The following TMC3 variants were observed in gnomAD, a reference collection of about 807,000 sequenced individuals.
The protein encoded by TMC3 is transmembrane channel like 3, also known as transmembrane channel-like protein 3.
In TMC3, 98 loss-of-function variants were observed where a neutral mutation model predicts 110.6. The observed-to-expected ratio is 0.89, with a 90% CI of 0.75 to 1.05. The LOEUF is 1.05. TMC3 is among the 50% of genes least tolerant of loss of function. The pLI is 0.00. For missense variants in TMC3, 1,319 were observed against 1,373.2 expected (o/e 0.96, Z 0.62); for synonymous variants, 489 against 513.1 (o/e 0.95, Z 0.63).
At position 81,333,308 on chromosome 15, in the gene TMC3, G is replaced by C. The variant is rs781022021; in HGVS notation, c.2460-46C>G. Reference sequence around the variant, plus strand: ...AGTAGCTGTGGCCTTGGTGGTCTCAGAGCCCCACACCTGAGGACTGTGAGC... The same window carrying C: ...AGTAGCTGTGGCCTTGGTGGTCTCACAGCCCCACACCTGAGGACTGTGAGC... On this transcript the variant is annotated intron_variant, in intron 21 of 21. Coordinates refer to ENST00000359440, the MANE Select transcript of TMC3 (RefSeq NM_001080532.3). The C allele has an allele frequency of 1.9e-6, 3 of 1,563,586 alleles. No homozygotes were observed. In the East Asian group the frequency reaches 6.7e-5, roughly 35 times the overall value.
chr15:81,340,403 TATATC>T (rs1318608387), intron 16 of TMC3, among the ~76,000 whole-genome samples: 1 of 152,228 alleles, frequency 6.6e-6, no homozygotes, highest in Non-Finnish European at 1.5e-5. Context: ...CATATATAAA[TATATC>T]AAAACATATC....
In TMC3 at chr15:81,351,688, G is replaced by A. The variant is rs568807468; in HGVS notation, c.1083+6C>T. 6.4e-7 allele frequency: 1 copy of A among 1,552,556 alleles called. No individual in the cohort carries two copies. Among genetic ancestry groups the A allele is most frequent in the South Asian group, 1.2e-5 (1 of 84,064 alleles). Reference sequence around the variant, plus strand: ...CTAGGGTGCTGCAGGTAATGGCAGTGGGTACCTCATTCTTTTCCCAAAGTG... The same window carrying A: ...CTAGGGTGCTGCAGGTAATGGCAGTAGGTACCTCATTCTTTTCCCAAAGTG... On this transcript the variant is annotated splice_donor_region_variant and intron_variant, in intron 10 of 21. Coordinates refer to ENST00000359440, the MANE Select transcript of TMC3 (RefSeq NM_001080532.3).
chr15:81,339,595 G>A, intron 16 of TMC3, 91 bp from the exon 17 acceptor site: 2 of 978,216 alleles, frequency 2.0e-6, no homozygotes, highest in Non-Finnish European at 1.6e-6. Flanking sequence ...AGAAACGGTT[G>A]CCCTGACTCT....
At position 81,332,772 on chromosome 15, in the gene TMC3, C is replaced by G; in HGVS notation, c.2950G>C (p.Asp984His). 6.2e-7 allele frequency: 1 copy of G among 1,611,876 alleles called. No individual in the cohort carries two copies. The change falls in exon 22 of 22, where the codon GAT (aspartate) becomes CAT (histidine). Residue 984 changes from aspartate (D) to histidine (H), a missense_variant. Coordinates refer to ENST00000359440, the MANE Select transcript of TMC3 (RefSeq NM_001080532.3). ...IGERSESQTRDPEHQGRVHYK... is the reference protein window; with the variant it reads ...IGERSESQTRHPEHQGRVHYK... ...TGCACCCTCCCCTGGTGCTCGGGAT[C>G]CCGGGTCTGACTTTCGGACCTCTCC... is the stretch of plus-strand genomic sequence containing the variant.
intron 3 of TMC3, among the ~76,000 whole-genome samples, chr15:81,366,588 C>G (rs1461293497): frequency 6.6e-6 from 1 of 152,112 alleles, no homozygotes; most frequent in East Asian, 1.9e-4. Context: ...AGGTGAAATA[C>G]TTTACTTCCT....
At chr15:81,342,479 T>A (rs796214734) in intron 15 of TMC3, among the ~76,000 whole-genome samples, 21 of 152,334 alleles carry the variant, frequency 1.4e-4, no homozygotes, top group African/African-American at 4.8e-4. Flanking sequence ...GGTAGAAAAG[T>A]ACTTGATATC....
chr15:81,337,458 G>A (rs1301614234), intron 19 of TMC3, among the ~76,000 whole-genome samples: 3 of 152,114 alleles, frequency 2.0e-5, no homozygotes, highest in African/African-American at 7.2e-5. Context: ...GACAAACAGT[G>A]CTGCTGGGCT....
intron 9 of TMC3, among the ~76,000 whole-genome samples, chr15:81,352,178 G>T (rs1893966289): frequency 6.6e-6 from 1 of 152,178 alleles, no homozygotes. Context: ...GCACATTAAA[G>T]ATATAGGAAT....
chr15:81,337,086 T>G (rs1215468602), intron 19 of TMC3, among the ~76,000 whole-genome samples: 1 of 151,664 alleles, frequency 6.6e-6, no homozygotes, highest in Non-Finnish European at 1.5e-5. Flanking sequence ...TTTTTTCTGA[T>G]AGAAGTGGAA....
rs58420711 is a variant in TMC3 at position 81,372,870 on chromosome 15, C to CGTGTGTGTGTGTGT, written c.90-147_90-134dup. The CGTGTGTGTGTGTGT allele has an allele frequency of 9.3e-4, 515 of 555,694 alleles. 2 individuals carry two copies. Among genetic ancestry groups the CGTGTGTGTGTGTGT allele is most frequent in the African/African-American group, 1.1e-3 (60 of 53,600 alleles). 34.4% of individuals were successfully genotyped at this position (555,694 alleles called of 1,614,324 possible). ...TGTATGAAATGTGTATGTGTTTGTG[C>CGTGTGTGTGTGTGT]GTGTGTGTGTGTGTGTGTGTGTGTG... On this transcript the variant is annotated intron_variant, in intron 1 of 21. Coordinates refer to ENST00000359440, the MANE Select transcript of TMC3 (RefSeq NM_001080532.3).
chr15:81,334,212 G>T (rs1056848894), intron 21 of TMC3, among the ~76,000 whole-genome samples: 1 of 151,876 alleles, frequency 6.6e-6, no homozygotes, highest in Non-Finnish European at 1.5e-5. Flanking sequence ...TATTGCTTTC[G>T]CTGTGCTACA....
intron 15 of TMC3, chr15:81,342,611 A>T (rs1893738535): frequency 6.6e-6 from 1 of 152,226 alleles, no homozygotes. Context: ...CTCAATTGCC[A>T]TGTATTTTAC....
chr15:81,350,260 T>A (rs1567065087), intron 10 of TMC3, among the ~76,000 whole-genome samples: 1 of 152,198 alleles, frequency 6.6e-6, no homozygotes, highest in Non-Finnish European at 1.5e-5. Context: ...TTCACTAGCA[T>A]TTCTGCCACA....
chr15:81,340,218 GTCTCTGTCTC>G (rs1367295671), intron 16 of TMC3, among the ~76,000 whole-genome samples: 1 of 123,272 alleles, frequency 8.1e-6, no homozygotes, highest in Admixed American at 7.8e-5. Context: ...GTCTCTCTCT[GTCTCTGTCTC>G]TCTCTCTCTC....
At chr15:81,341,675 C>T in intron 15 of TMC3, 157 bp from the exon 16 acceptor site, 1 of 601,704 alleles carries the variant, frequency 1.7e-6, no homozygotes, top group Non-Finnish European at 2.7e-6. Context: ...GACCACAACC[C>T]TCCACCTTCT....
Position 81,332,673 on chromosome 15 carries a change from G to T in TMC3, c.3049C>A (p.Arg1017=), listed in dbSNP as rs780717046. Residue 1017 remains arginine, a synonymous_variant, in exon 22 of 22, where the codon CGG becomes AGG. Transcript: ENST00000359440. Reference sequence around the variant, plus strand: ...GGGGGCTGTGGGTATTGGAAATTCCGGGATCGTGGCTTTCTGGGCACATAG... The same window carrying T: ...GGGGGCTGTGGGTATTGGAAATTCCTGGATCGTGGCTTTCTGGGCACATAG... The part of the protein sequence containing the change: ...PAYVPRKPRS[R]NFQYPQPPLK... The T allele has an allele frequency of 1.9e-6, 3 of 1,613,884 alleles. No homozygotes were observed. The highest frequency in any genetic ancestry group is 2.5e-6 in the Non-Finnish European group (3 of 1,179,902).
intron 21 of TMC3, among the ~76,000 whole-genome samples, chr15:81,333,742 G>A (rs1243562107): frequency 6.6e-6 from 1 of 152,072 alleles, no homozygotes; most frequent in Non-Finnish European, 1.5e-5. Flanking sequence ...TAATCCCAGC[G>A]CTTTGGGAGG....
At chr15:81,353,810 C>A (rs1337308878) in intron 9 of TMC3, among the ~76,000 whole-genome samples, 1 of 152,216 alleles carries the variant, frequency 6.6e-6, no homozygotes, top group South Asian at 2.1e-4. Flanking sequence ...TCTTAATTGT[C>A]TTTTCTCTTT....
intron 5 of TMC3, among the ~76,000 whole-genome samples, chr15:81,358,932 T>G (rs768207595): frequency 6.6e-6 from 1 of 152,202 alleles, no homozygotes; most frequent in Non-Finnish European, 1.5e-5. Context: ...CTGGGTATTA[T>G]TTCAACTTTG....
Sources: gnomAD v4.1 joint callset for allele counts (sites outside exome capture counted in the v4.1 genomes callset) on GRCh38, gnomAD v4.1.1 for gene constraint, MANE v1.5 for transcripts, NCBI Gene and HGNC (gene_info 2026-07-23, HGNC 2026-07-21) for gene names.